Variants in CELF6 observed in about 807,000 individuals in gnomAD.
The protein encoded by CELF6 is CUGBP Elav-like family member 6.
In CELF6, 32 loss-of-function variants were observed where a neutral mutation model predicts 53.1. The ratio of observed to expected loss-of-function variants is 0.60; its 90% CI spans 0.46 to 0.81. The LOEUF (loss-of-function observed/expected upper bound fraction) is 0.81, where lower values mean the gene tolerates loss of function less well. CELF6 is among the 30% of genes least tolerant of loss of function. The probability of loss-of-function intolerance (pLI) is 0.00; values close to 1 mark genes in which losing one functional copy is unlikely to be tolerated. For synonymous variants in CELF6, 291 were observed against 288.8 expected (o/e 1.01, Z -0.08); for missense variants, 539 against 669.5 (o/e 0.81, Z 2.15).
In CELF6 at chr15:72,314,602, T is replaced by G. The variant is rs908929789; in HGVS notation, c.345+1243A>C. On this transcript the variant is annotated intron_variant, in intron 2 of 12. Coordinates refer to ENST00000287202, the MANE Select transcript of CELF6 (RefSeq NM_052840.5). Reference sequence around the variant, plus strand: ...TCAAAACCCAGTGTTTTTTTTTTTTTTTTTTTTTTTGAGACTGAGTCTCAC... The same window carrying G: ...TCAAAACCCAGTGTTTTTTTTTTTTGTTTTTTTTTTGAGACTGAGTCTCAC... Among the ~76,000 whole-genome samples the G allele has an allele frequency of 3.4e-5, 5 of 145,014 alleles. No individual in the cohort carries two copies. The East Asian group carries it at 5.9e-4, about 17-fold the overall frequency.
chr15:72,300,852 A>AAAG (rs746595381), intron 3 of CELF6, among the ~76,000 whole-genome samples: 1 of 151,514 alleles, frequency 6.6e-6, no homozygotes. Flanking sequence ...AAAAAAAAAA[A>AAAG]CTCATGTGTG....
intron 12 of CELF6, among the ~76,000 whole-genome samples, chr15:72,286,863 A>G (rs935316794): frequency 6.6e-6 from 1 of 152,200 alleles, no homozygotes; most frequent in African/African-American, 2.4e-5. Context: ...ATAAAGTCCA[A>G]ACTCATGGCC....
At chr15:72,313,713 G>A (rs2088328965) in intron 2 of CELF6, 1 of 964,434 alleles carries the variant, frequency 1.0e-6, no homozygotes, top group Admixed American at 6.2e-5. Flanking sequence ...CACATGGAAT[G>A]TTACAGCTTG....
chr15:72,296,720 A>G (rs2088083558), intron 3 of CELF6, among the ~76,000 whole-genome samples: 1 of 152,210 alleles, frequency 6.6e-6, no homozygotes, highest in Non-Finnish European at 1.5e-5. Context: ...ATTGTTAAGG[A>G]AATGCAAATC....
intron 3 of CELF6, among the ~76,000 whole-genome samples, chr15:72,292,641 G>A (rs1567278919): frequency 6.6e-6 from 1 of 152,230 alleles, no homozygotes. Context: ...TACTGACAGT[G>A]GTGATCTGAT....
In CELF6 at chr15:72,290,040, G is replaced by A. The variant is rs751903396; in HGVS notation, c.524-22C>T. 19 of 1,612,564 alleles carry A rather than the reference G, an allele frequency of 1.2e-5. No homozygotes were observed. The Admixed American group carries it at 2.8e-4, about 24-fold the overall frequency. ...CAGCCTGGGGCAGGACAGAGGGAGC[G>A]GGTGGCTCAGGCCACAGGGGCCAAA... On this transcript the variant is annotated intron_variant, in intron 4 of 12. Coordinates refer to ENST00000287202, the MANE Select transcript of CELF6 (RefSeq NM_052840.5).
At chr15:72,311,819 G>A (rs188410071) in intron 2 of CELF6, among the ~76,000 whole-genome samples, 33 of 152,304 alleles carry the variant, frequency 2.2e-4, no homozygotes, top group African/African-American at 7.7e-4. Flanking sequence ...CCCAACCCTG[G>A]GATGAATGAG....
chr15:72,290,971 TTC>T (rs1410237842), intron 3 of CELF6, among the ~76,000 whole-genome samples: 1 of 152,130 alleles, frequency 6.6e-6, no homozygotes, highest in Non-Finnish European at 1.5e-5. Context: ...CCTGACCCCT[TTC>T]CTTAACTCCC....
In CELF6 at chr15:72,289,069, A is replaced by T; in HGVS notation, c.1030+69T>A. 7.4e-7 allele frequency: 1 copy of T among 1,346,050 alleles called. No homozygotes were observed. Among genetic ancestry groups the T allele is most frequent in the East Asian group, 2.5e-5 (1 of 40,808 alleles). The allele number at this position is 1,346,050 out of a possible 1,614,324, so 83.4% of individuals were successfully genotyped here. A position where few individuals can be genotyped will look rare whatever the true frequency, so the allele number is the denominator to read the frequency against. ...AGGGGGATCTCTTCCCAGGGAAGCC[A>T]GGCCCTAACCCCCCACCCCCCGCTC... On this transcript the variant is annotated intron_variant, in intron 8 of 12. Transcript: ENST00000287202. The surrounding 1 kb of genome is among the most constrained non-coding windows in gnomAD (Gnocchi z 7.6).
At chr15:72,297,779 T>C (rs1595778982) in intron 3 of CELF6, among the ~76,000 whole-genome samples, 1 of 152,234 alleles carries the variant, frequency 6.6e-6, no homozygotes, top group African/African-American at 2.4e-5. Context: ...ACAGAGTTAC[T>C]GTTTCTGCAA....
chr15:72,298,433 C>T (rs1041176151), intron 3 of CELF6, among the ~76,000 whole-genome samples: 6 of 152,156 alleles, frequency 3.9e-5, no homozygotes, highest in African/African-American at 1.4e-4. Context: ...CGAGATGCCT[C>T]AAAATATATT....
At chr15:72,291,525 G>A (rs2088006147) in intron 3 of CELF6, among the ~76,000 whole-genome samples, 1 of 152,196 alleles carries the variant, frequency 6.6e-6, no homozygotes, top group Non-Finnish European at 1.5e-5. Flanking sequence ...CTAGGCAGAT[G>A]GGGGTCCTTG....
chr15:72,304,870 ACTC>A (rs2088206662), intron 2 of CELF6, 76 bp from the exon 3 acceptor site: 12 of 1,358,260 alleles, frequency 8.8e-6, no homozygotes, highest in Non-Finnish European at 1.0e-5. Flanking sequence ...CGAACCCTGG[ACTC>A]CTCAGGATCT....
chr15:72,303,959 GCGATTCTC>G (rs1287591008), intron 3 of CELF6, among the ~76,000 whole-genome samples: 1 of 152,052 alleles, frequency 6.6e-6, no homozygotes, highest in East Asian at 1.9e-4. Context: ...CCAGGTTTAA[GCGATTCTC>G]CTGCCTCAGC....
At chr15:72,298,553 G>C (rs2088107840) in intron 3 of CELF6, among the ~76,000 whole-genome samples, 1 of 152,178 alleles carries the variant, frequency 6.6e-6, no homozygotes, top group Admixed American at 6.5e-5. Flanking sequence ...AGGCATCTTG[G>C]ATACATGAAT....
At chr15:72,311,643 C>T (rs2088299321) in intron 2 of CELF6, among the ~76,000 whole-genome samples, 1 of 152,052 alleles carries the variant, frequency 6.6e-6, no homozygotes, top group Non-Finnish European at 1.5e-5. Context: ...ACCTCGTGAT[C>T]CGCCCGCCTC....
chr15:72,295,419 T>A (rs2088064996), intron 3 of CELF6, among the ~76,000 whole-genome samples: 1 of 151,500 alleles, frequency 6.6e-6, no homozygotes, highest in African/African-American at 2.4e-5. Context: ...CACTGAAAAC[T>A]ACAAAATGTT....
intron 3 of CELF6, among the ~76,000 whole-genome samples, chr15:72,303,478 CAA>C (rs778808708): frequency 5.3e-5 from 8 of 152,184 alleles, no homozygotes; most frequent in Non-Finnish European, 8.8e-5. Context: ...AGTGGAACCA[CAA>C]AGTCACCAGA....
chr15:72,290,325 C>A lies in CELF6; in HGVS notation c.395-70G>T. ...AGACCCCCGAGAGTAGCCTGAGGAA[C>A]TTAGGAAGGCAGCTCACCAGTCTCA... On this transcript the variant is annotated intron_variant, in intron 3 of 12. Coordinates refer to ENST00000287202, the MANE Select transcript of CELF6 (RefSeq NM_052840.5). 4 of 1,528,086 alleles carry A rather than the reference C, an allele frequency of 2.6e-6. No individual in the cohort carries two copies. In the South Asian group the frequency reaches 4.8e-5, roughly 18 times the overall value. The allele number at this position is 1,528,086 out of a possible 1,614,324, so 94.7% of individuals were successfully genotyped here.
Sources: allele counts gnomAD v4.1 joint callset (sites outside exome capture counted in the v4.1 genomes callset), GRCh38; gene constraint gnomAD v4.1.1; non-coding constraint Gnocchi (gnomAD v3.1); transcripts MANE v1.5; gene names NCBI Gene and HGNC (gene_info 2026-07-23, HGNC 2026-07-21).